CC2D1A: variants seen among roughly 807,000 people sequenced by gnomAD.
CC2D1A encodes the protein coiled-coil and C2 domain-containing protein 1A.
CC2D1A carries 68 observed loss-of-function variants against 123.8 expected under a neutral mutation model. That is an observed-to-expected ratio of 0.55 (90% CI 0.45 to 0.67). The LOEUF (loss-of-function observed/expected upper bound fraction) is 0.67. CC2D1A is among the 30% of genes least tolerant of loss of function. CC2D1A has a pLI of 0.00. For missense variants in CC2D1A, 1,185 were observed against 1,290.3 expected (o/e 0.92, Z 1.25); for synonymous variants, 477 against 528.0 (o/e 0.90, Z 1.32).
chr19:13,921,179 G>A (rs922445310), intron 14 of CC2D1A, among the ~76,000 whole-genome samples: 16 of 152,256 alleles, frequency 1.1e-4, no homozygotes, highest in African/African-American at 3.9e-4. Context: ...CTGCACCTGA[G>A]GGGGTTGTCC....
chr19:13,912,310 C>T lies in CC2D1A; in HGVS notation c.197-13C>T, dbSNP rs1385324177. The T allele has an allele frequency of 6.3e-7, 1 of 1,581,144 alleles. No individual in the cohort carries two copies. The highest frequency in any genetic ancestry group is 8.6e-7 in the Non-Finnish European group (1 of 1,163,962). On this transcript the variant is annotated splice_polypyrimidine_tract_variant and intron_variant, in intron 2 of 28. Coordinates refer to ENST00000318003, the MANE Select transcript of CC2D1A (RefSeq NM_017721.5). ...ACGACCCTGGTCCACCTGGGGCATC[C>T]CCCTACCGCCAGGTCCCTTGCCGAT...
intron 2 of CC2D1A, among the ~76,000 whole-genome samples, chr19:13,910,242 CAAA>C (rs1361165310): frequency 2.6e-5 from 3 of 114,586 alleles, no homozygotes; most frequent in African/African-American, 3.2e-5. Context: ...ACTAAAAATA[CAAA>C]AAAAAAAAAA....
Position 13,906,700 on chromosome 19 carries a change from C to T in CC2D1A, c.60+199C>T, listed in dbSNP as rs1970755573. Among the ~76,000 whole-genome samples the T allele has an allele frequency of 6.6e-6, 1 of 152,236 alleles. No individual in the cohort carries two copies. Among genetic ancestry groups the T allele is most frequent in the Admixed American group, 6.5e-5 (1 of 15,278 alleles). On this transcript the variant is annotated intron_variant, in intron 1 of 28. Transcript: ENST00000318003. This position sits in a 1 kb window ranked among gnomAD's most constrained non-coding sequence, Gnocchi z 4.1. ...GCTCCCCAGCTCCTGGGGCCCTGCCCCGGGTTCGGGGCCACCTGTTGCCAC... is the reference window on the plus strand; with the variant it reads ...GCTCCCCAGCTCCTGGGGCCCTGCCTCGGGTTCGGGGCCACCTGTTGCCAC...
rs2145352389 is a variant in CC2D1A, at chr19:13,923,866, G to C, written c.1940+55G>C. ...TGGCCCCAGTGGCCCTTTGGTGGCG[G>C]TGGGGCGGGTTGTGCTCCCCAGAAG... On this transcript the variant is annotated intron_variant, in intron 17 of 28. Transcript: ENST00000318003. The surrounding 1 kb of genome is among the most constrained non-coding windows in gnomAD (Gnocchi z 5.3). 1 of 1,352,896 alleles carries C rather than the reference G, an allele frequency of 7.4e-7. No individual in the cohort carries two copies. Among genetic ancestry groups the C allele is most frequent in the Non-Finnish European group, 1.1e-6 (1 of 945,166 alleles). The allele number at this position is 1,352,896 out of a possible 1,614,324, so 83.8% of individuals were successfully genotyped here.
chr19:13,913,670 G>T, intron 6 of CC2D1A, 32 bp downstream of exon 6: 1 of 1,507,196 alleles, frequency 6.6e-7, no homozygotes, highest in Non-Finnish European at 9.0e-7. Context: ...GCTGATATGG[G>T]ATCCGAGTGG....
Position 13,910,407 on chromosome 19 carries a change from CAAAAAAA to C in CC2D1A, c.196+466_196+472del, listed in dbSNP as rs766322114. ...TGGGCGACAGAGCAAGACTCCGTCT[CAAAAAAA>C]AAAAAAAAAAAAAAAAGATCAAGTC... On this transcript the variant is annotated intron_variant, in intron 2 of 28. Transcript: ENST00000318003. Among the ~76,000 whole-genome samples the C allele has an allele frequency of 9.8e-5, 4 of 40,886 alleles. 1 individual carries two copies. The highest frequency in any genetic ancestry group is 2.2e-4 in the Non-Finnish European group (4 of 18,406). 26.8% of individuals were successfully genotyped at this position (40,886 alleles called of 152,430 possible).
At chr19:13,925,933 A>AAAATATATATAT (rs1315518981) in intron 17 of CC2D1A, among the ~76,000 whole-genome samples, 2 of 91,038 alleles carry the variant, frequency 2.2e-5, no homozygotes. Flanking sequence ...AAAAAAAAAA[A>AAAATATATATAT]ATATATATAT....
intron 14 of CC2D1A, among the ~76,000 whole-genome samples, 193 bp downstream of exon 14, chr19:13,921,115 C>T (rs1406450424): frequency 2.0e-5 from 3 of 152,244 alleles, no homozygotes; most frequent in Non-Finnish European, 4.4e-5. Context: ...GCAGTCTGGG[C>T]TCTGCAAATG....
chr19:13,909,762 A>T, intron 1 of CC2D1A, 61 bp from the exon 2 acceptor site: 1 of 1,609,652 alleles, frequency 6.2e-7, no homozygotes, highest in Non-Finnish European at 8.5e-7. Context: ...TCTGGCCATC[A>T]TGGCTGCCTC....
In CC2D1A at chr19:13,912,617, C is replaced by T. The variant is rs780029640; in HGVS notation, c.378+24C>T. The T allele has an allele frequency of 1.1e-5, 18 of 1,611,998 alleles. No homozygotes were observed. In the South Asian group the frequency reaches 2.0e-4, roughly 18 times the overall value. On this transcript the variant is annotated intron_variant, in intron 4 of 28. Coordinates refer to ENST00000318003, the MANE Select transcript of CC2D1A (RefSeq NM_017721.5). The stretch of plus-strand genomic sequence containing the variant: ...AGGTACAGTTTGGATGACTCCACTC[C>T]CTTGAACCACAACCCAACGGACAGC...
Position 13,909,798 on chromosome 19 carries a change from G to C in CC2D1A, c.61-25G>C, listed in dbSNP as rs369966581. On this transcript the variant is annotated intron_variant, in intron 1 of 28. Transcript: ENST00000318003. ...TAGCCATGTGGTGAACCAAAGGTCTGACTGAACCCTTGCTGTTCCCCTAGC... is the reference window on the plus strand; with the variant it reads ...TAGCCATGTGGTGAACCAAAGGTCTCACTGAACCCTTGCTGTTCCCCTAGC... 8 of 1,601,814 alleles carry C rather than the reference G, an allele frequency of 5.0e-6. No individual in the cohort carries two copies. The South Asian group carries it at 8.8e-5, about 18-fold the overall frequency.
At chr19:13,912,300 C>T (rs375323598) in intron 2 of CC2D1A, 23 bp from the exon 3 acceptor site, 1 of 1,571,750 alleles carries the variant, frequency 6.4e-7, no homozygotes, top group African/African-American at 1.4e-5. Context: ...CCTGGTCCAC[C>T]TGGGGCATCC....
intron 1 of CC2D1A, among the ~76,000 whole-genome samples, chr19:13,907,837 T>A (rs991802406): frequency 1.3e-5 from 2 of 152,198 alleles, no homozygotes; most frequent in Non-Finnish European, 2.9e-5. Flanking sequence ...TTATCATTAT[T>A]ACTAGTTGGT....
At chr19:13,914,583 C>T (rs1367017915) in intron 6 of CC2D1A, among the ~76,000 whole-genome samples, 1 of 151,536 alleles carries the variant, frequency 6.6e-6, no homozygotes, top group Admixed American at 6.6e-5. Flanking sequence ...ATCTGCCTGC[C>T]TCGGCCTCCC....
At position 13,913,391 on chromosome 19, in the gene CC2D1A, C is replaced by T. The variant is rs142767939; in HGVS notation, c.514-13C>T. 81 of 1,612,804 alleles carry T rather than the reference C, an allele frequency of 5.0e-5. No homozygotes were observed. Among genetic ancestry groups the T allele is most frequent in the Middle Eastern group, 1.7e-4 (1 of 6,060 alleles). Reference sequence around the variant, plus strand: ...TTGGCTTCTCCCAAACCAATACTCACGCCTTATCTTAGACACTGGAAAACC... The same window carrying T: ...TTGGCTTCTCCCAAACCAATACTCATGCCTTATCTTAGACACTGGAAAACC... On this transcript the variant is annotated splice_polypyrimidine_tract_variant and intron_variant, in intron 5 of 28. Coordinates refer to ENST00000318003, the MANE Select transcript of CC2D1A (RefSeq NM_017721.5).
Position 13,918,387 on chromosome 19 carries a change from A to G in CC2D1A, c.874-117A>G, listed in dbSNP as rs116151615. ...TTGGAAGAGGATTAAGCAAGATGGC[A>G]CAAATGGAAGGGAGGGAGCTAGAAG... On this transcript the variant is annotated intron_variant, in intron 7 of 28. Transcript: ENST00000318003. The G allele has an allele frequency of 7.2e-4, 847 of 1,174,860 alleles. 6 individuals carry two copies. The African/African-American group carries it at 0.013, about 17-fold the overall frequency. 72.8% of individuals were successfully genotyped at this position (1,174,860 alleles called of 1,614,324 possible).
intron 14 of CC2D1A, among the ~76,000 whole-genome samples, chr19:13,922,339 C>T (rs1489094672): frequency 6.6e-6 from 1 of 152,114 alleles, no homozygotes; most frequent in Non-Finnish European, 1.5e-5. Context: ...GCTCACTCTT[C>T]CCCTTGCTGT....
intron 1 of CC2D1A, 113 bp from the exon 2 acceptor site, chr19:13,909,710 C>T (rs977092409): frequency 1.7e-5 from 24 of 1,403,646 alleles, no homozygotes; most frequent in Non-Finnish European, 2.2e-5. Context: ...AGGGAAATGG[C>T]TTTCCCTGGG....
In CC2D1A at chr19:13,919,217, TGTAGGCCTCGCCCCA is replaced by T. The variant is rs761433390; in HGVS notation, c.1222+23_1222+37del. 3.6e-4 allele frequency: 578 copies of T among 1,598,956 alleles called. No individual in the cohort carries two copies. Among genetic ancestry groups the T allele is most frequent in the Non-Finnish European group, 4.7e-4 (554 of 1,171,604 alleles). ...CGTGCCCCCAGGTAGGCCTTGCCCC[TGTAGGCCTCGCCCCA>T]GTAGGCCCCGCCCCCGTAGGCCCCG... is the stretch of plus-strand genomic sequence containing the variant. On this transcript the variant is annotated intron_variant, in intron 11 of 28. Coordinates refer to ENST00000318003, the MANE Select transcript of CC2D1A (RefSeq NM_017721.5).
Sources: gnomAD v4.1 joint callset for allele counts (sites outside exome capture counted in the v4.1 genomes callset) on GRCh38, gnomAD v4.1.1 for gene constraint, Gnocchi (gnomAD v3.1) non-coding constraint, MANE v1.5 for transcripts, NCBI Gene and HGNC (gene_info 2026-07-23, HGNC 2026-07-21) for gene names.